Variants in KCTD3 observed in about 807,000 individuals in gnomAD.
The protein encoded by KCTD3 is potassium channel tetramerization domain containing 3.
In KCTD3, 41 loss-of-function variants were observed where a neutral mutation model predicts 85.8. The observed-to-expected ratio is 0.48, with a 90% CI of 0.37 to 0.62. The LOEUF is 0.62. Among genes scored for constraint, KCTD3 ranks in the 20% least tolerant of loss-of-function variants. The pLI is 0.00. For synonymous variants in KCTD3, 338 were observed against 345.4 expected (o/e 0.98, Z 0.24); for missense variants, 724 against 989.9 (o/e 0.73, Z 3.60).
intron 11 of KCTD3, 61 bp downstream of exon 11, chr1:215,602,015 A>G: frequency 7.1e-7 from 1 of 1,413,598 alleles, no homozygotes; most frequent in East Asian, 2.3e-5. Context: ...GAGAACAAGA[A>G]AACATTACCT....
chr1:215,567,685 G>C lies in KCTD3; in HGVS notation c.-1G>C. The C allele has an allele frequency of 1.6e-6, 2 of 1,238,942 alleles. No individual in the cohort carries two copies. The highest frequency in any genetic ancestry group is 2.0e-6 in the Non-Finnish European group (2 of 987,374). The allele number at this position is 1,238,942 out of a possible 1,614,324, so 76.7% of individuals were successfully genotyped here. The stretch of plus-strand genomic sequence containing the variant: ...GGCGAGCGCGTCCGGAGCCGCCGGA[G>C]ATGGCGGGAGGGCACTGCGGCAGCT... On this transcript the variant is annotated 5_prime_UTR_variant, in exon 1 of 18. Transcript: ENST00000259154.
At chr1:215,608,226 A>C in intron 14 of KCTD3, 54 bp downstream of exon 14, 1 of 1,233,092 alleles carries the variant, frequency 8.1e-7, no homozygotes, top group Non-Finnish European at 1.1e-6. Flanking sequence ...TGTTCAGAAG[A>C]AGCATATCAA....
chr1:215,578,018 T>G lies in KCTD3; in HGVS notation c.334T>G (p.Cys112Gly). ...ITPLVRRLLL[C>G]EELERSSCGS... Reference sequence around the variant, plus strand: ...GTTTTTAGTAAGAAGGCTTCTCTTATGTGAAGAATTGGAGCGTTCCTCTTG... The same window carrying G: ...GTTTTTAGTAAGAAGGCTTCTCTTAGGTGAAGAATTGGAGCGTTCCTCTTG... The change falls in exon 6 of 18, where the codon TGT becomes GGT. Residue 112 changes from cysteine to glycine, a missense_variant. Physicochemically the swap from Cys to Gly is radical, Grantham distance 159. Around this residue, in one of 6 missense-constraint regions of KCTD3, gnomAD observed 17 missense variants for 40.4 expected, o/e 0.42. Transcript: ENST00000259154. The G allele has an allele frequency of 6.2e-7, 1 of 1,612,170 alleles. No homozygotes were observed.
At chr1:215,614,018 GTTTTTTTTTTTTTTTTTT>G (rs577770912) in intron 15 of KCTD3, among the ~76,000 whole-genome samples, 1 of 66,288 alleles carries the variant, frequency 1.5e-5, no homozygotes, top group African/African-American at 6.3e-5. Context: ...CTTTAGAATA[GTTTTTTTTTTTTTTTTTT>G]TTTTTTTTTT....
chr1:215,617,579 G>T (rs1655500887), intron 15 of KCTD3, among the ~76,000 whole-genome samples: 1 of 151,756 alleles, frequency 6.6e-6, no homozygotes, highest in South Asian at 2.1e-4. Flanking sequence ...TTGGTATATT[G>T]ATTATTTTGA....
intron 10 of KCTD3, among the ~76,000 whole-genome samples, chr1:215,598,322 C>T (rs907648686): frequency 2.0e-5 from 3 of 152,044 alleles, no homozygotes; most frequent in African/African-American, 7.2e-5. Context: ...AAGAGGAAAC[C>T]ATTAGAAATT....
At chr1:215,595,717 G>A (rs140415859) in intron 10 of KCTD3, among the ~76,000 whole-genome samples, 98 of 152,182 alleles carry the variant, frequency 6.4e-4, no homozygotes, top group South Asian at 2.1e-3. Context: ...TTAAATGTTC[G>A]AAGTTCTATG....
At position 215,618,894 on chromosome 1, in the gene KCTD3, A is replaced by C; in HGVS notation, c.1571A>C (p.Glu524Ala). The C allele has an allele frequency of 6.3e-7, 1 of 1,595,074 alleles. No homozygotes were observed. Among genetic ancestry groups the C allele is most frequent in the Non-Finnish European group, 8.5e-7 (1 of 1,175,320 alleles). The change falls in exon 16 of 18, where the codon GAG becomes GCG. Residue 524 changes from glutamate to alanine, a missense_variant. Physicochemically the swap from Glu to Ala is moderately radical, Grantham distance 107. Around this residue, in one of 6 missense-constraint regions of KCTD3, gnomAD observed 136 missense variants for 197.6 expected, o/e 0.69. Transcript: ENST00000259154. ...RLSSTGKRIC[E>A]IQAVDCTTIS... ...CTGCTTTTCTTTTGCAGAATATGTG[A>C]GATCCAGGCTGTTGACTGTACTACA... is the stretch of plus-strand genomic sequence containing the variant.
chr1:215,587,217 C>T (rs552200265), intron 9 of KCTD3, among the ~76,000 whole-genome samples: 77 of 151,736 alleles, frequency 5.1e-4, no homozygotes, highest in African/African-American at 1.7e-3. Context: ...GCAACCTCTG[C>T]CTCCTGGGCT....
At chr1:215,572,646 C>T (rs530062513) in intron 1 of KCTD3, among the ~76,000 whole-genome samples, 41 of 152,238 alleles carry the variant, frequency 2.7e-4, no homozygotes, top group African/African-American at 9.9e-4. Context: ...TTTGATAATT[C>T]CAGGCTGCTA....
intron 8 of KCTD3, 112 bp downstream of exon 8, chr1:215,580,111 C>T (rs1659762647): frequency 3.0e-6 from 2 of 672,276 alleles, no homozygotes; most frequent in East Asian, 2.8e-5. Flanking sequence ...AAGTTTTTTC[C>T]CTGCATATTT....
chr1:215,583,311 G>A (rs970493945), intron 8 of KCTD3, among the ~76,000 whole-genome samples: 4 of 152,194 alleles, frequency 2.6e-5, no homozygotes, highest in Non-Finnish European at 4.4e-5. Context: ...AGAACTGAAT[G>A]TTCCTCCCCT....
At chr1:215,610,266 A>C (rs1655177112) in intron 14 of KCTD3, among the ~76,000 whole-genome samples, 1 of 151,862 alleles carries the variant, frequency 6.6e-6, no homozygotes, top group Non-Finnish European at 1.5e-5. Flanking sequence ...AAGGCAGGGA[A>C]GTTCAAAGGT....
intron 8 of KCTD3, among the ~76,000 whole-genome samples, chr1:215,583,605 G>A (rs1410101231): frequency 2.0e-5 from 3 of 152,082 alleles, no homozygotes; most frequent in Non-Finnish European, 1.5e-5. Context: ...CAGCCCAGCA[G>A]GTCTCAGCCT....
chr1:215,573,948 A>G, intron 2 of KCTD3, 109 bp downstream of exon 2: 2 of 974,406 alleles, frequency 2.1e-6, no homozygotes, highest in South Asian at 3.6e-5. Context: ...TCTTAAAATT[A>G]TATATTTTTG....
At chr1:215,610,802 T>C (rs1314791125) in intron 14 of KCTD3, among the ~76,000 whole-genome samples, 2 of 151,976 alleles carry the variant, frequency 1.3e-5, no homozygotes, top group Non-Finnish European at 2.9e-5. Flanking sequence ...TGGTAAATAA[T>C]AGTACCTCCC....
intron 2 of KCTD3, 59 bp from the exon 3 acceptor site, chr1:215,574,014 A>G: frequency 8.0e-7 from 1 of 1,253,628 alleles, no homozygotes. Flanking sequence ...GTAAAGAATT[A>G]GCACATTTGT....
intron 15 of KCTD3, among the ~76,000 whole-genome samples, chr1:215,614,105 T>C (rs1451091038): frequency 1.4e-5 from 2 of 146,834 alleles, no homozygotes; most frequent in Non-Finnish European, 3.0e-5. Flanking sequence ...TAATATCAGC[T>C]TACTGCAAGC....
At chr1:215,574,396 G>T (rs1224685544) in intron 3 of KCTD3, among the ~76,000 whole-genome samples, 1 of 152,028 alleles carries the variant, frequency 6.6e-6, no homozygotes, top group Non-Finnish European at 1.5e-5. Flanking sequence ...ATCAATAATT[G>T]AAACTTTAAC....
Sources: gnomAD v4.1 joint callset for allele counts (sites outside exome capture counted in the v4.1 genomes callset) on GRCh38, gnomAD v4.1.1 for gene constraint, gnomAD v4.1.1 regional missense constraint, MANE v1.5 for transcripts, NCBI Gene and HGNC (gene_info 2026-07-23, HGNC 2026-07-21) for gene names.